The following BRINP2 variants were observed in gnomAD, a reference collection of about 807,000 sequenced individuals.
The protein encoded by BRINP2 is BMP/retinoic acid-inducible neural-specific protein 2.
In BRINP2, 21 loss-of-function variants were observed where a neutral mutation model predicts 69.2. The ratio of observed to expected loss-of-function variants is 0.30; its 90% CI spans 0.22 to 0.44. The LOEUF (loss-of-function observed/expected upper bound fraction) is 0.44, where lower values mean the gene tolerates loss of function less well. Among genes scored for constraint, BRINP2 ranks in the 20% least tolerant of loss-of-function variants. The probability of loss-of-function intolerance (pLI) is 1.00; values close to 1 mark genes in which losing one functional copy is unlikely to be tolerated. For missense variants in BRINP2, 877 were observed against 986.0 expected (o/e 0.89, Z 1.48); for synonymous variants, 380 against 394.1 (o/e 0.96, Z 0.42).
rs376891054 is a variant in BRINP2, at chr1:177,213,633, A to G, written c.-76-16168A>G. ...ATTAATCTGTTTTGATTCAGAAGTG[A>G]CTGATTTGAACCTCTATTATCACTG... On this transcript the variant is annotated intron_variant, in intron 1 of 7. Coordinates refer to ENST00000361539, the MANE Select transcript of BRINP2 (RefSeq NM_021165.4). Among the ~76,000 whole-genome samples, 31 of 152,350 alleles carry G rather than the reference A, an allele frequency of 2.0e-4. 1 individual carries two copies. The highest frequency in any genetic ancestry group is 7.0e-4 in the African/African-American group (29 of 41,586).
At chr1:177,255,811 A>C in intron 2 of BRINP2, 108 bp from the exon 3 acceptor site, 1 of 1,152,720 alleles carries the variant, frequency 8.7e-7, no homozygotes, top group Non-Finnish European at 1.2e-6. Context: ...GTGGGCTGAG[A>C]GGAGATGAGT....
intron 1 of BRINP2, among the ~76,000 whole-genome samples, chr1:177,176,493 A>G (rs1228574759): frequency 6.7e-6 from 1 of 149,856 alleles, no homozygotes; most frequent in South Asian, 2.1e-4. Context: ...AGAAAAGTTA[A>G]AATTATGTAA....
In BRINP2 at chr1:177,180,470, A is replaced by G. The variant is rs570442704; in HGVS notation, c.-77+8738A>G. Among the ~76,000 whole-genome samples the G allele has an allele frequency of 3.3e-5, 5 of 152,392 alleles. No homozygotes were observed. In the East Asian group the frequency reaches 9.6e-4, roughly 29 times the overall value. On this transcript the variant is annotated intron_variant, in intron 1 of 7. Transcript: ENST00000361539. ...TGCACAAAAATTGTAAAGATTAAAG[A>G]CAATGATTGACAAATAGCAGAGTTG...
chr1:177,200,292 T>TAAAAAAAAAA (rs1648866674), intron 1 of BRINP2, among the ~76,000 whole-genome samples: 1 of 6,938 alleles, frequency 1.4e-4, no homozygotes, highest in African/African-American at 3.8e-4. Context: ...AAACTCTGTC[T>TAAAAAAAAAA]CAAAAAAAAA....
chr1:177,202,012 T>C (rs1439997562), intron 1 of BRINP2, among the ~76,000 whole-genome samples: 1 of 152,234 alleles, frequency 6.6e-6, no homozygotes. Flanking sequence ...TATTCTCTGA[T>C]GGTAGTTTGT....
At chr1:177,250,265 GT>G (rs967890770) in intron 2 of BRINP2, among the ~76,000 whole-genome samples, 7 of 151,996 alleles carry the variant, frequency 4.6e-5, no homozygotes, top group African/African-American at 9.7e-5. Flanking sequence ...ATAGATTTGG[GT>G]TTTTTTGTTT....
At chr1:177,198,833 T>G (rs945041137) in intron 1 of BRINP2, among the ~76,000 whole-genome samples, 6 of 152,184 alleles carry the variant, frequency 3.9e-5, no homozygotes, top group Non-Finnish European at 7.4e-5. Flanking sequence ...GCAAACACCT[T>G]TTGAATTTGG....
At chr1:177,257,511 G>A (rs1650808781) in intron 4 of BRINP2, 127 bp downstream of exon 4, 1 of 924,252 alleles carries the variant, frequency 1.1e-6, no homozygotes, top group African/African-American at 1.7e-5. Context: ...GCTTTCTGAT[G>A]AAGACACAGC....
Position 177,281,298 on chromosome 1 carries a change from T to C in BRINP2, c.2122T>C (p.Tyr708His), listed in dbSNP as rs1265546470. Residue 708 changes from tyrosine to histidine, a missense_variant, in exon 8 of 8, where the codon TAT becomes CAT. This residue lies in a region of BRINP2 where 225 missense variants were observed against 218.7 expected (regional missense o/e 1.03). Transcript: ENST00000361539. ...RDLILQLDYP[Y>H]TQGSQDSALL... ...CTTAATTCTCCAGTTGGACTACCCA[T>C]ATACTCAAGGTTCCCAGGACTCTGC... 3 of 1,614,116 alleles carry C rather than the reference T, an allele frequency of 1.9e-6. No homozygotes were observed. Among genetic ancestry groups the C allele is most frequent in the Non-Finnish European group, 1.7e-6 (2 of 1,180,024 alleles).
At chr1:177,226,717 G>A (rs1267963545) in intron 1 of BRINP2, among the ~76,000 whole-genome samples, 4 of 152,120 alleles carry the variant, frequency 2.6e-5, no homozygotes, top group Non-Finnish European at 4.4e-5. Context: ...CTTATCCAAG[G>A]CTCTGGATCC....
At chr1:177,189,521 C>T (rs1648527877) in intron 1 of BRINP2, among the ~76,000 whole-genome samples, 1 of 152,166 alleles carries the variant, frequency 6.6e-6, no homozygotes, top group African/African-American at 2.4e-5. Flanking sequence ...CTGGGGTGGC[C>T]ATTTACCCTT....
chr1:177,217,626 T>C (rs1001416160), intron 1 of BRINP2, among the ~76,000 whole-genome samples: 3 of 152,346 alleles, frequency 2.0e-5, no homozygotes, highest in Non-Finnish European at 4.4e-5. Flanking sequence ...CTTTTCTGGC[T>C]TTTACAAGTT....
intron 2 of BRINP2, among the ~76,000 whole-genome samples, chr1:177,239,517 T>C (rs1192733371): frequency 6.6e-6 from 1 of 152,244 alleles, no homozygotes; most frequent in Non-Finnish European, 1.5e-5. Context: ...CACCTGACTT[T>C]AGAATTAGGT....
chr1:177,275,203 G>A, intron 5 of BRINP2: 1 of 456,314 alleles, frequency 2.2e-6, no homozygotes, highest in Non-Finnish European at 4.4e-6. Flanking sequence ...CAGCCGCCTT[G>A]TGAGTGGCTT....
At chr1:177,209,042 A>G (rs1233147273) in intron 1 of BRINP2, among the ~76,000 whole-genome samples, 2 of 152,028 alleles carry the variant, frequency 1.3e-5, no homozygotes, top group African/African-American at 4.8e-5. Flanking sequence ...AAAACACAGA[A>G]GTGGCAGGGC....
rs557570817 is a variant in BRINP2, at chr1:177,206,764, G to A, written c.-76-23037G>A. 3.3e-5 allele frequency among the ~76,000 whole-genome samples: 5 copies of A among 152,284 alleles called. No individual in the cohort carries two copies. In the South Asian group the frequency reaches 8.3e-4, roughly 25 times the overall value. ...ATGTGCTGACTTATGGATACTCAAC[G>A]TGGCTACGTTGGCAAATGAGGCTTC... On this transcript the variant is annotated intron_variant, in intron 1 of 7. Coordinates refer to ENST00000361539, the MANE Select transcript of BRINP2 (RefSeq NM_021165.4).
At chr1:177,241,308 A>G (rs972951452) in intron 2 of BRINP2, among the ~76,000 whole-genome samples, 2 of 152,190 alleles carry the variant, frequency 1.3e-5, no homozygotes, top group African/African-American at 2.4e-5. Flanking sequence ...CTAAAACATT[A>G]TGAAGATCTT....
At chr1:177,188,079 G>A (rs1171074307) in intron 1 of BRINP2, among the ~76,000 whole-genome samples, 1 of 152,134 alleles carries the variant, frequency 6.6e-6, no homozygotes, top group African/African-American at 2.4e-5. Context: ...TATGCACAGT[G>A]ACTGGCTCAT....
intron 2 of BRINP2, among the ~76,000 whole-genome samples, chr1:177,251,741 T>G (rs1650589648): frequency 6.6e-6 from 1 of 152,200 alleles, no homozygotes; most frequent in Non-Finnish European, 1.5e-5. Flanking sequence ...CCAGACCCAG[T>G]GTCTGACTGG....
Sources: allele counts gnomAD v4.1 joint callset (sites outside exome capture counted in the v4.1 genomes callset), GRCh38; gene constraint gnomAD v4.1.1; regional missense constraint gnomAD v4.1.1; transcripts MANE v1.5; gene names NCBI Gene and HGNC (gene_info 2026-07-23, HGNC 2026-07-21).